The following SCFD2 variants were observed in gnomAD, a reference collection of about 807,000 sequenced individuals.
SCFD2 encodes sec1 family domain-containing protein 2.
Under a neutral mutation model 58.9 loss-of-function variants are expected in SCFD2, and 54 were observed. That is an observed-to-expected ratio of 0.92 (90% CI 0.74 to 1.15). SCFD2 has a LOEUF of 1.15. SCFD2 is among the 50% of genes most tolerant of loss of function. SCFD2 has a pLI of 0.00. For synonymous variants in SCFD2, 321 were observed against 335.9 expected, an observed-to-expected ratio of 0.96 and a Z score of 0.49; for missense variants, 805 against 836.6, an observed-to-expected ratio of 0.96 and a Z score of 0.47.
At chr4:53,145,115 G>T (rs1336388929) in intron 5 of SCFD2, among the ~76,000 whole-genome samples, 3 of 152,172 alleles carry the variant, frequency 2.0e-5, no homozygotes, top group Non-Finnish European at 4.4e-5. Context: ...GTTTCATCAT[G>T]AAACCATGCA....
At chr4:53,151,124 A>C (rs2148918003) in intron 4 of SCFD2, among the ~76,000 whole-genome samples, 1 of 152,290 alleles carries the variant, frequency 6.6e-6, no homozygotes, top group African/African-American at 2.4e-5. Context: ...GTCTCAAAGG[A>C]GGGAGGGGCA....
intron 4 of SCFD2, among the ~76,000 whole-genome samples, chr4:53,228,361 G>T (rs2412402): frequency 0.69 from 105,167 of 152,004 alleles, 36,617 homozygotes; most frequent in Middle Eastern, 0.78. Context: ...GACCAAGTTA[G>T]AGACATGAGC....
chr4:52,907,254 G>C (rs1288264764), intron 7 of SCFD2, among the ~76,000 whole-genome samples: 1 of 152,202 alleles, frequency 6.6e-6, no homozygotes, highest in African/African-American at 2.4e-5. Flanking sequence ...AGACCACAGT[G>C]CTCAGGTCAG....
intron 5 of SCFD2, among the ~76,000 whole-genome samples, chr4:52,946,823 T>C (rs1450659507): frequency 6.6e-6 from 1 of 152,104 alleles, no homozygotes; most frequent in Non-Finnish European, 1.5e-5. Context: ...CTTAGGTACT[T>C]ATGGTTGGAA....
intron 2 of SCFD2, among the ~76,000 whole-genome samples, chr4:53,332,069 G>A (rs1392553994): frequency 6.6e-6 from 1 of 152,116 alleles, no homozygotes; most frequent in Non-Finnish European, 1.5e-5. Context: ...TCTCTGAATA[G>A]ACCAATAACC....
intron 5 of SCFD2, among the ~76,000 whole-genome samples, chr4:53,097,146 C>T (rs568785602): frequency 2.0e-5 from 3 of 152,192 alleles, no homozygotes; most frequent in South Asian, 2.1e-4. Context: ...AGTTAGGTAG[C>T]GTGATGCCTC....
chr4:52,907,451 C>G lies in SCFD2; in HGVS notation c.1842+6G>C. 1 of 1,613,636 alleles carries G rather than the reference C, an allele frequency of 6.2e-7. No individual in the cohort carries two copies. Among genetic ancestry groups the G allele is most frequent in the Non-Finnish European group, 8.5e-7 (1 of 1,179,588 alleles). On this transcript the variant is annotated splice_donor_region_variant and intron_variant, in intron 7 of 8. Transcript: ENST00000401642. Reference sequence around the variant, plus strand: ...ACTCAGGATTACCTCTCCATGGTTACTTTACCTTCATGAACATGCTAAATC... The same window carrying G: ...ACTCAGGATTACCTCTCCATGGTTAGTTTACCTTCATGAACATGCTAAATC...
At chr4:53,332,910 C>G (rs886679206) in intron 2 of SCFD2, among the ~76,000 whole-genome samples, 117 of 151,464 alleles carry the variant, frequency 7.7e-4, no homozygotes, top group African/African-American at 2.4e-3. Flanking sequence ...TCTCGGGATA[C>G]AAAATCAATG....
intron 5 of SCFD2, among the ~76,000 whole-genome samples, chr4:53,106,042 C>T (rs1348911465): frequency 6.6e-6 from 1 of 152,122 alleles, no homozygotes; most frequent in Non-Finnish European, 1.5e-5. Context: ...ACTGGTGATA[C>T]CCAGTCAAAC....
At chr4:53,037,439 C>T (rs1365152888) in intron 5 of SCFD2, among the ~76,000 whole-genome samples, 1 of 151,838 alleles carries the variant, frequency 6.6e-6, no homozygotes, top group Non-Finnish European at 1.5e-5. Context: ...TTTCATAATA[C>T]AAAATTTTAA....
chr4:53,274,699 G>A (rs530064789), intron 3 of SCFD2, among the ~76,000 whole-genome samples: 14 of 152,284 alleles, frequency 9.2e-5, no homozygotes, highest in African/African-American at 3.4e-4. Flanking sequence ...ACAAACTGTT[G>A]AGGATTCACT....
chr4:53,207,491 T>TATATATATATACACACACATAC, intron 4 of SCFD2, among the ~76,000 whole-genome samples: 1 of 21,784 alleles, frequency 4.6e-5, no homozygotes, highest in African/African-American at 2.1e-4. Flanking sequence ...TATATATATA[T>TATATATATATACACACACATAC]TTCATATATA....
intron 5 of SCFD2, among the ~76,000 whole-genome samples, chr4:53,074,050 A>G (rs1475925440): frequency 6.6e-6 from 1 of 152,172 alleles, no homozygotes; most frequent in African/African-American, 2.4e-5. Context: ...TGTAGCATGT[A>G]AGCACCACAG....
intron 4 of SCFD2, among the ~76,000 whole-genome samples, chr4:53,248,007 G>A (rs1425382303): frequency 1.3e-5 from 2 of 152,198 alleles, no homozygotes; most frequent in Non-Finnish European, 2.9e-5. Flanking sequence ...TTCCATCTGA[G>A]GTACTGGGTT....
At chr4:53,090,601 C>T (rs2148865936) in intron 5 of SCFD2, among the ~76,000 whole-genome samples, 1 of 152,278 alleles carries the variant, frequency 6.6e-6, no homozygotes, top group African/African-American at 2.4e-5. Context: ...AAGGAAAGAA[C>T]ACTGAGCATG....
At chr4:53,219,420 T>C (rs1402839058) in intron 4 of SCFD2, among the ~76,000 whole-genome samples, 2 of 152,228 alleles carry the variant, frequency 1.3e-5, no homozygotes, top group African/African-American at 2.4e-5. Context: ...TCCATGGGTG[T>C]GGGACCCTCT....
intron 7 of SCFD2, among the ~76,000 whole-genome samples, chr4:52,904,050 AC>A (rs553445728): frequency 6.6e-6 from 1 of 152,076 alleles, no homozygotes; most frequent in Non-Finnish European, 1.5e-5. Flanking sequence ...CACACTCCAC[AC>A]CCCACGGGAA....
chr4:53,239,216 G>A (rs928922515), intron 4 of SCFD2, among the ~76,000 whole-genome samples: 4 of 151,946 alleles, frequency 2.6e-5, no homozygotes, highest in South Asian at 2.1e-4. Context: ...CAGGCGTGGC[G>A]GCGCGAGTCT....
At chr4:53,071,035 T>A (rs980961049) in intron 5 of SCFD2, among the ~76,000 whole-genome samples, 1 of 152,116 alleles carries the variant, frequency 6.6e-6, no homozygotes, top group Non-Finnish European at 1.5e-5. Context: ...ATTCAACTTC[T>A]AAAGAGTGTC....
Sources: gnomAD v4.1 joint callset for allele counts (sites outside exome capture counted in the v4.1 genomes callset) on GRCh38, gnomAD v4.1.1 for gene constraint, MANE v1.5 for transcripts, NCBI Gene and HGNC (gene_info 2026-07-23, HGNC 2026-07-21) for gene names.